BMP7: variants seen among roughly 807,000 people sequenced by gnomAD.
BMP7 encodes bone morphogenetic protein 7.
A neutral mutation model predicts 41.2 loss-of-function variants in BMP7; 12 were observed. That is an observed-to-expected ratio of 0.29 (90% CI 0.19 to 0.47). The LOEUF is 0.47. BMP7 is among the 20% of genes least tolerant of loss of function. The pLI is 0.99. For synonymous variants in BMP7, 248 were observed against 250.0 expected, an observed-to-expected ratio of 0.99 and a Z score of 0.07; for missense variants, 467 against 606.0, an observed-to-expected ratio of 0.77 and a Z score of 2.41.
chr20:57,185,674 G>A (rs948210222), intron 3 of BMP7, among the ~76,000 whole-genome samples: 1 of 152,244 alleles, frequency 6.6e-6, no homozygotes, highest in African/African-American at 2.4e-5. Flanking sequence ...GAAGAGATGA[G>A]CTCTGGGCTA....
At chr20:57,176,350 G>A (rs536617206) in intron 4 of BMP7, among the ~76,000 whole-genome samples, 2 of 152,266 alleles carry the variant, frequency 1.3e-5, no homozygotes, top group Non-Finnish European at 1.5e-5. Flanking sequence ...TTAGCTCTGC[G>A]GGCTGGTGAA....
At chr20:57,237,185 G>A (rs181569832) in intron 1 of BMP7, among the ~76,000 whole-genome samples, 9 of 152,296 alleles carry the variant, frequency 5.9e-5, no homozygotes, top group East Asian at 1.9e-4. Flanking sequence ...GTTAGGGGCC[G>A]GGGACAGACC....
At chr20:57,253,230 T>C (rs2066121315) in intron 1 of BMP7, among the ~76,000 whole-genome samples, 1 of 152,174 alleles carries the variant, frequency 6.6e-6, no homozygotes, top group African/African-American at 2.4e-5. Flanking sequence ...AAACATTTAC[T>C]AGCCTGGAAG....
At chr20:57,244,774 G>A (rs571427904) in intron 1 of BMP7, among the ~76,000 whole-genome samples, 30 of 152,358 alleles carry the variant, frequency 2.0e-4, no homozygotes, top group Middle Eastern at 3.4e-3. Context: ...GGTGGGGGAA[G>A]TGAAGCTGCC....
chr20:57,225,900 G>A, intron 2 of BMP7: 1 of 469,644 alleles, frequency 2.1e-6, no homozygotes, highest in Non-Finnish European at 4.4e-6. Context: ...CCAGAGGGCA[G>A]GGACTCGTGT....
At chr20:57,193,147 T>C (rs1376308566) in intron 3 of BMP7, among the ~76,000 whole-genome samples, 1 of 152,194 alleles carries the variant, frequency 6.6e-6, no homozygotes, top group African/African-American at 2.4e-5. Context: ...TCCACCCCTT[T>C]TGGTATGCCC....
intron 1 of BMP7, among the ~76,000 whole-genome samples, chr20:57,245,787 C>T (rs143194112): frequency 0.011 from 1,683 of 151,820 alleles, 22 homozygotes; most frequent in African/African-American, 0.026. Context: ...TACAGGCGCC[C>T]GCCACCACGC....
chr20:57,185,001 C>T (rs1463888755), intron 3 of BMP7, among the ~76,000 whole-genome samples: 4 of 152,174 alleles, frequency 2.6e-5, no homozygotes, highest in African/African-American at 9.7e-5. Context: ...AGGCGCTCTA[C>T]AAGAAGCAAG....
rs1348823286 is a variant in BMP7 at position 57,228,780 on chromosome 20, A to G, written c.419-359T>C. Among the ~76,000 whole-genome samples, 1 of 152,226 alleles carries G rather than the reference A, an allele frequency of 6.6e-6. No homozygotes were observed. The highest frequency in any genetic ancestry group is 2.4e-5 in the African/African-American group (1 of 41,464). On this transcript the variant is annotated intron_variant, in intron 1 of 6. Coordinates refer to ENST00000395863, the MANE Select transcript of BMP7 (RefSeq NM_001719.3). The surrounding 1 kb of genome is among the most constrained non-coding windows in gnomAD (Gnocchi z 4.5). ...CCACTAACCAACAGAGTGGCCCTAGATAAGGTAACAGAAAACCTCTATGGA... is the reference window on the plus strand; with the variant it reads ...CCACTAACCAACAGAGTGGCCCTAGGTAAGGTAACAGAAAACCTCTATGGA...
At chr20:57,211,343 C>A (rs1404621565) in intron 2 of BMP7, among the ~76,000 whole-genome samples, 1 of 152,188 alleles carries the variant, frequency 6.6e-6, no homozygotes, top group Non-Finnish European at 1.5e-5. Flanking sequence ...TTACTCGAAG[C>A]ACAGAAAGCC....
chr20:57,239,295 G>T (rs1326671533), intron 1 of BMP7, among the ~76,000 whole-genome samples: 1 of 152,154 alleles, frequency 6.6e-6, no homozygotes, highest in Non-Finnish European at 1.5e-5. Context: ...AATTCAGCAG[G>T]GCTCTCAAAC....
At chr20:57,240,044 G>T (rs1180596154) in intron 1 of BMP7, among the ~76,000 whole-genome samples, 1 of 152,198 alleles carries the variant, frequency 6.6e-6, no homozygotes, top group Non-Finnish European at 1.5e-5. Context: ...TGCTACTTAT[G>T]CAAATTTCTG....
intron 3 of BMP7, among the ~76,000 whole-genome samples, chr20:57,188,494 G>A (rs1984272379): frequency 6.7e-6 from 1 of 149,886 alleles, no homozygotes; most frequent in Non-Finnish European, 1.5e-5. Flanking sequence ...GAGTGATACG[G>A]AAACGTTCTA....
At chr20:57,189,782 G>T (rs1984307059) in intron 3 of BMP7, among the ~76,000 whole-genome samples, 1 of 152,216 alleles carries the variant, frequency 6.6e-6, no homozygotes, top group Non-Finnish European at 1.5e-5. Flanking sequence ...TTCAGCAACT[G>T]TTTATTGAGC....
intron 3 of BMP7, among the ~76,000 whole-genome samples, chr20:57,191,696 G>A (rs549366304): frequency 1.4e-4 from 20 of 147,986 alleles, no homozygotes; most frequent in Non-Finnish European, 2.4e-4. Flanking sequence ...ATGTCACGGC[G>A]CTCCAGCCTG....
At chr20:57,225,953 G>A (rs2066004377) in intron 2 of BMP7, 1 of 471,086 alleles carries the variant, frequency 2.1e-6, no homozygotes, top group Non-Finnish European at 4.4e-6. Flanking sequence ...GCATGCAGCA[G>A]GTACCTGTGC....
At chr20:57,227,210 C>T (rs1388751838) in intron 2 of BMP7, among the ~76,000 whole-genome samples, 1 of 152,176 alleles carries the variant, frequency 6.6e-6, no homozygotes, top group African/African-American at 2.4e-5. Flanking sequence ...AATGTGGCCA[C>T]ATTCTCTCTG....
At chr20:57,222,026 G>A (rs1251152996) in intron 2 of BMP7, among the ~76,000 whole-genome samples, 1 of 152,142 alleles carries the variant, frequency 6.6e-6, no homozygotes, top group Admixed American at 6.5e-5. Flanking sequence ...CTAAATCGAT[G>A]GAAACGTAAA....
chr20:57,261,922 A>C lies in BMP7; in HGVS notation c.418+3783T>G, dbSNP rs2146033528. ...ACACTTGTCAACAAAAAGGACAGCC[A>C]GATGGCATAAAGCAAAAATCAAACT... is the stretch of plus-strand genomic sequence containing the variant. On this transcript the variant is annotated intron_variant, in intron 1 of 6. Coordinates refer to ENST00000395863, the MANE Select transcript of BMP7 (RefSeq NM_001719.3). The surrounding 1 kb of genome is among the most constrained non-coding windows in gnomAD (Gnocchi z 4.1). Among the ~76,000 whole-genome samples, 1 of 152,390 alleles carries C rather than the reference A, an allele frequency of 6.6e-6. No homozygotes were observed. Among genetic ancestry groups the C allele is most frequent in the Non-Finnish European group, 1.5e-5 (1 of 68,036 alleles).
Sources: allele counts gnomAD v4.1 joint callset (sites outside exome capture counted in the v4.1 genomes callset), GRCh38; gene constraint gnomAD v4.1.1; non-coding constraint Gnocchi (gnomAD v3.1); transcripts MANE v1.5; gene names NCBI Gene and HGNC (gene_info 2026-07-23, HGNC 2026-07-21).